Variants in GULP1 observed in about 807,000 individuals in gnomAD.
GULP1 encodes PTB domain-containing engulfment adapter protein 1.
A neutral mutation model predicts 40.9 loss-of-function variants in GULP1; 19 were observed. The observed-to-expected ratio is 0.46, with a 90% CI of 0.32 to 0.68. The LOEUF is 0.68. Ranked by LOEUF, GULP1 falls within the 30% of genes least tolerant of loss-of-function variation. The pLI is 0.03. For missense variants in GULP1, 312 were observed against 362.2 expected, an observed-to-expected ratio of 0.86 and a Z score of 1.12; for synonymous variants, 119 against 117.6, an observed-to-expected ratio of 1.01 and a Z score of -0.08.
At chr2:188,497,517 GT>G (rs1157847723) in intron 4 of GULP1, among the ~76,000 whole-genome samples, 3 of 151,914 alleles carry the variant, frequency 2.0e-5, no homozygotes, top group Non-Finnish European at 4.4e-5. Flanking sequence ...GAGATGACGT[GT>G]TTATCTATAG....
intron 7 of GULP1, among the ~76,000 whole-genome samples, chr2:188,560,811 A>C (rs1696056471): frequency 6.6e-6 from 1 of 152,292 alleles, no homozygotes; most frequent in East Asian, 1.9e-4. Context: ...GAGGGTAATG[A>C]GGAGGTGCTC....
chr2:188,301,911 T>C (rs75421039), intron 1 of GULP1, among the ~76,000 whole-genome samples: 4,116 of 152,288 alleles, frequency 0.027, 187 homozygotes, highest in East Asian at 0.18. Flanking sequence ...GGGTACTTGA[T>C]GGAATCATTG....
intron 2 of GULP1, among the ~76,000 whole-genome samples, chr2:188,408,596 A>G (rs1654296478): frequency 6.6e-6 from 1 of 152,168 alleles, no homozygotes; most frequent in South Asian, 2.1e-4. Context: ...CCCACTTTCA[A>G]CAATGGACAG....
intron 2 of GULP1, among the ~76,000 whole-genome samples, chr2:188,397,160 C>T (rs1309035979): frequency 6.6e-6 from 1 of 152,154 alleles, no homozygotes; most frequent in South Asian, 2.1e-4. Flanking sequence ...AGAAAATTCA[C>T]GGTGTGATTA....
At chr2:188,538,136 C>T (rs1689428913) in intron 6 of GULP1, among the ~76,000 whole-genome samples, 1 of 152,008 alleles carries the variant, frequency 6.6e-6, no homozygotes. Flanking sequence ...AAAGAACTAA[C>T]TTTTGGGTTT....
intron 2 of GULP1, among the ~76,000 whole-genome samples, chr2:188,465,680 C>G (rs58988512): frequency 2.0e-5 from 3 of 152,146 alleles, no homozygotes; most frequent in African/African-American, 7.2e-5. Context: ...CCTCCTTGGG[C>G]GAGCGTCACC....
intron 1 of GULP1, among the ~76,000 whole-genome samples, chr2:188,333,459 C>G (rs998633403): frequency 2.0e-5 from 3 of 152,092 alleles, no homozygotes; most frequent in Non-Finnish European, 4.4e-5. Flanking sequence ...AGGATTAATT[C>G]TCTTTGTGTT....
intron 4 of GULP1, among the ~76,000 whole-genome samples, chr2:188,494,002 C>T (rs890639494): frequency 5.3e-5 from 8 of 151,954 alleles, no homozygotes; most frequent in African/African-American, 1.9e-4. Context: ...GGATCATGTG[C>T]CCTTCTTAGC....
intron 4 of GULP1, among the ~76,000 whole-genome samples, chr2:188,484,184 A>G (rs1037985738): frequency 6.6e-6 from 1 of 152,166 alleles, no homozygotes; most frequent in Non-Finnish European, 1.5e-5. Flanking sequence ...CTGGGATTAC[A>G]GGTAGAAGCC....
At chr2:188,351,505 C>T (rs2044441041) in intron 1 of GULP1, among the ~76,000 whole-genome samples, 1 of 152,024 alleles carries the variant, frequency 6.6e-6, no homozygotes, top group Non-Finnish European at 1.5e-5. Flanking sequence ...AACTCATGTT[C>T]CTAAGTAGGA....
At chr2:188,568,688 C>A (rs555951974) in intron 7 of GULP1, among the ~76,000 whole-genome samples, 4 of 152,268 alleles carry the variant, frequency 2.6e-5, no homozygotes, top group Non-Finnish European at 5.9e-5. Context: ...CTCACTTCCA[C>A]CAGGCAACAA....
At chr2:188,425,020 T>G (rs1465459416) in intron 2 of GULP1, among the ~76,000 whole-genome samples, 4 of 152,036 alleles carry the variant, frequency 2.6e-5, no homozygotes, top group Non-Finnish European at 4.4e-5. Context: ...TTTTTTTCGA[T>G]ATTAGTACCA....
intron 7 of GULP1, among the ~76,000 whole-genome samples, chr2:188,562,085 C>T (rs1294304033): frequency 2.0e-5 from 3 of 152,194 alleles, no homozygotes; most frequent in African/African-American, 7.2e-5. Context: ...AGCCTCAGCA[C>T]TTCTGGGCCC....
chr2:188,424,649 A>G (rs1254098747), intron 2 of GULP1, among the ~76,000 whole-genome samples: 2 of 151,980 alleles, frequency 1.3e-5, no homozygotes, highest in African/African-American at 2.4e-5. Flanking sequence ...TCAAAATTAT[A>G]ATATTTTGAA....
intron 1 of GULP1, among the ~76,000 whole-genome samples, chr2:188,372,318 A>G (rs966687120): frequency 1.3e-5 from 2 of 152,034 alleles, no homozygotes; most frequent in African/African-American, 4.8e-5. Flanking sequence ...GAAGATTCCT[A>G]GTTGGTCATT....
chr2:188,490,519 T>G (rs1156443888), intron 4 of GULP1, among the ~76,000 whole-genome samples: 1 of 152,128 alleles, frequency 6.6e-6, no homozygotes, highest in Non-Finnish European at 1.5e-5. Context: ...GGCAGAGATG[T>G]GAGTGAGCTA....
intron 4 of GULP1, among the ~76,000 whole-genome samples, chr2:188,510,620 G>A (rs190489981): frequency 1.1e-3 from 168 of 151,956 alleles, no homozygotes; most frequent in African/African-American, 4.0e-3. Context: ...GCCTCACTAA[G>A]AAACAGAATA....
intron 1 of GULP1, among the ~76,000 whole-genome samples, chr2:188,355,395 T>C (rs1024452051): frequency 6.6e-6 from 1 of 152,046 alleles, no homozygotes; most frequent in East Asian, 1.9e-4. Context: ...GAGACTATTA[T>C]GAACAACAGT....
rs77700815 is a variant in GULP1 at position 188,377,243 on chromosome 2, T to C, written c.-171-6520T>C. 7.0e-3 allele frequency among the ~76,000 whole-genome samples: 1,060 copies of C among 152,296 alleles called. 100 individuals carry two copies. The East Asian group carries it at 0.19, about 27-fold the overall frequency. ...TGTACAAAGATATGTACTATGGTTTTATTTACAGTGTGAAAGATATGGAAC... is the reference window on the plus strand; with the variant it reads ...TGTACAAAGATATGTACTATGGTTTCATTTACAGTGTGAAAGATATGGAAC... On this transcript the variant is annotated intron_variant, in intron 1 of 11. Transcript: ENST00000409830.
Sources: allele counts gnomAD v4.1 joint callset (sites outside exome capture counted in the v4.1 genomes callset), GRCh38; gene constraint gnomAD v4.1.1; transcripts MANE v1.5; gene names NCBI Gene and HGNC (gene_info 2026-07-23, HGNC 2026-07-21).